OSCAR: variants seen among roughly 807,000 people sequenced by gnomAD.
The protein encoded by OSCAR is osteoclast associated Ig-like receptor, also known as osteoclast-associated immunoglobulin-like receptor.
OSCAR carries 25 observed loss-of-function variants against 27.3 expected under a neutral mutation model. That is an observed-to-expected ratio of 0.92 (90% confidence interval 0.67 to 1.28). The LOEUF (loss-of-function observed/expected upper bound fraction) is 1.28. OSCAR is among the 50% of genes most tolerant of loss of function. The pLI is 0.00. For synonymous variants in OSCAR, 158 were observed against 165.7 expected, an observed-to-expected ratio of 0.95 and a Z score of 0.36; for missense variants, 354 against 355.1, an observed-to-expected ratio of 1.00 and a Z score of 0.03.
In OSCAR at chr19:54,097,118, C is replaced by T. The variant is rs147984792; in HGVS notation, c.117G>A (p.Pro39=). The change falls in exon 3 of 5, where the codon CCG becomes CCA. Residue 39 remains proline (P), a synonymous_variant. Coordinates refer to ENST00000358375, the MANE Select transcript of OSCAR (RefSeq NM_133169.6). ...YHPKPWLGAQ[P]ATVVTPGVNV... ...TGACCCCAGGGGTCACAACTGTAGC[C>T]GGCTGAGCTCCCAGCCATGGCTTAG... The T allele has an allele frequency of 2.0e-5, 32 of 1,614,176 alleles. No individual in the cohort carries two copies. The highest frequency in any genetic ancestry group is 3.3e-4 in the Middle Eastern group (2 of 6,060).
intron 1 of OSCAR, among the ~76,000 whole-genome samples, chr19:54,100,051 A>T (rs2072966547): frequency 6.6e-6 from 1 of 152,082 alleles, no homozygotes; most frequent in Non-Finnish European, 1.5e-5. Flanking sequence ...TCCTCAGGTG[A>T]TCCACCCGCC....
At position 54,095,129 on chromosome 19, in the gene OSCAR, A is replaced by G. The variant is rs1337141528; in HGVS notation, c.*92T>C. The G allele has an allele frequency of 1.3e-6, 2 of 1,506,910 alleles. No individual in the cohort carries two copies. The highest frequency in any genetic ancestry group is 1.4e-5 in the African/African-American group (1 of 72,348). The allele number at this position is 1,506,910 out of a possible 1,614,324, so 93.3% of individuals were successfully genotyped here. ...CGTTCCGCGGAGCTCAGCCAGCAGG[A>G]CTGTGGGGCTGCAGGAAAGGACAGT... is the stretch of plus-strand genomic sequence containing the variant. On this transcript the variant is annotated 3_prime_UTR_variant, in exon 5 of 5. Transcript: ENST00000358375.
chr19:54,097,960 C>G (rs1568543437), intron 2 of OSCAR, among the ~76,000 whole-genome samples: 1 of 151,918 alleles, frequency 6.6e-6, no homozygotes, highest in East Asian at 1.9e-4. Flanking sequence ...CAAGAGTTGC[C>G]AAAACTTGCT....
intron 3 of OSCAR, 117 bp downstream of exon 3, chr19:54,096,745 C>T (rs2072750885): frequency 8.7e-7 from 1 of 1,155,794 alleles, no homozygotes; most frequent in African/African-American, 1.6e-5. Context: ...TCTGTCTTTT[C>T]TTGTGTCTGT....
Position 54,099,752 on chromosome 19 carries a change from C to T in OSCAR, c.66G>A (p.Pro22=), listed in dbSNP as rs369634082. The T allele has an allele frequency of 2.9e-5, 47 of 1,612,886 alleles. No homozygotes were observed. The highest frequency in any genetic ancestry group is 1.6e-4 in the Middle Eastern group (1 of 6,070). ...GTGGATGGGGTGGCTACTCACCAGA[C>T]GGAGTGATGTCTGTGTGACACAGAG... is the stretch of plus-strand genomic sequence containing the variant. ...LWPLCHTDIT[P]SVPPASYHPK... The change falls in exon 2 of 5, where the codon CCG becomes CCA. Residue 22 remains proline (P), a synonymous_variant. Coordinates refer to ENST00000358375, the MANE Select transcript of OSCAR (RefSeq NM_133169.6).
chr19:54,095,706 G>A (rs2072616227), intron 4 of OSCAR, 166 bp downstream of exon 4: 1 of 1,201,488 alleles, frequency 8.3e-7, no homozygotes, highest in Non-Finnish European at 1.2e-6. Context: ...GGGAGGAGGG[G>A]CTGGGTCCCA....
chr19:54,095,393 C>A, intron 4 of OSCAR, 36 bp from the exon 5 acceptor site: 1 of 1,541,376 alleles, frequency 6.5e-7, no homozygotes. Flanking sequence ...GCCATCAGCT[C>A]CCGGACCCCA....
Position 54,096,872 on chromosome 19 carries a change from C to T in OSCAR, c.363G>A (p.Leu121=), listed in dbSNP as rs752532568. ...VWSQPSDVLE[L]LVTEELPRPS... is the part of the protein sequence containing the mutation. The stretch of plus-strand genomic sequence containing the variant: ...ACCCCAGGACCTCACCTGTCACCAG[C>T]AGCTCCAGGACATCGCTGGGCTGGG... Residue 121 remains leucine, a synonymous_variant, in exon 3 of 5, where the codon CTG becomes CTA. Coordinates refer to ENST00000358375, the MANE Select transcript of OSCAR (RefSeq NM_133169.6). 1 of 1,613,104 alleles carries T rather than the reference C, an allele frequency of 6.2e-7. No homozygotes were observed. Among genetic ancestry groups the T allele is most frequent in the South Asian group, 1.1e-5 (1 of 91,040 alleles).
chr19:54,099,059 T>TGTTTG (rs34000466), intron 2 of OSCAR, among the ~76,000 whole-genome samples: 37,811 of 149,150 alleles, frequency 0.25, 5,092 homozygotes, highest in East Asian at 0.42. Context: ...AAAGAGTTTT[T>TGTTTG]TTTGTTTGTT....
intron 2 of OSCAR, 97 bp downstream of exon 2, chr19:54,099,651 A>G: frequency 6.2e-7 from 1 of 1,613,752 alleles, no homozygotes; most frequent in East Asian, 2.2e-5. Flanking sequence ...GAGGAAAATA[A>G]GGATATCTGG....
rs754867936 is a variant in OSCAR at position 54,096,846 on chromosome 19, G to C, written c.373+16C>G. ...CTTGTTCCACCCACTTCTCCTCCCC[G>C]ACCCCAGGACCTCACCTGTCACCAG... On this transcript the variant is annotated intron_variant, in intron 3 of 4. Transcript: ENST00000358375. 6.2e-7 allele frequency: 1 copy of C among 1,605,478 alleles called. No individual in the cohort carries two copies. Among genetic ancestry groups the C allele is most frequent in the East Asian group, 2.2e-5 (1 of 44,736 alleles).
In OSCAR at chr19:54,096,072, C is replaced by T. The variant is rs1253303511; in HGVS notation, c.455G>A (p.Gly152Asp). Residue 152 changes from glycine to aspartate, a missense_variant, in exon 4 of 5, where the codon GGC becomes GAC. Physicochemically the swap from Gly to Asp is moderately conservative, Grantham distance 94 (BLOSUM62 -1). Coordinates refer to ENST00000358375, the MANE Select transcript of OSCAR (RefSeq NM_133169.6). ...CACGAAGCTCATGTTCCGCAGGCGGCCCGCGCAGCGCAGGCTCACGTTGGC... is the reference window on the plus strand; with the variant it reads ...CACGAAGCTCATGTTCCGCAGGCGGTCCGCGCAGCGCAGGCTCACGTTGGC... The part of the protein sequence containing the change: ...PGANVSLRCA[G>D]RLRNMSFVLY... 36 of 1,537,732 alleles carry T rather than the reference C, an allele frequency of 2.3e-5. No homozygotes were observed. Among genetic ancestry groups the T allele is most frequent in the Non-Finnish European group, 2.7e-5 (31 of 1,147,264 alleles).
At chr19:54,098,909 C>A (rs2072886069) in intron 2 of OSCAR, among the ~76,000 whole-genome samples, 1 of 150,598 alleles carries the variant, frequency 6.6e-6, no homozygotes, top group African/African-American at 2.4e-5. Flanking sequence ...TCCCTTGAAC[C>A]CAGGAGGTGG....
chr19:54,095,447 C>T (rs1600240574), intron 4 of OSCAR, 90 bp from the exon 5 acceptor site: 1 of 1,485,290 alleles, frequency 6.7e-7, no homozygotes, highest in Non-Finnish European at 8.9e-7. Flanking sequence ...CTGGGGTGGA[C>T]TTAGGGACCT....
chr19:54,096,760 CTG>C, intron 3 of OSCAR, 100 bp downstream of exon 3: 1 of 1,284,984 alleles, frequency 7.8e-7, no homozygotes, highest in East Asian at 2.5e-5. Context: ...GTCTGTGAAT[CTG>C]TTTGCCCGCC....
chr19:54,095,547 C>G (rs1308462766), intron 4 of OSCAR, 190 bp from the exon 5 acceptor site: 2 of 1,343,802 alleles, frequency 1.5e-6, no homozygotes, highest in South Asian at 3.1e-5. Flanking sequence ...ACTGCTGGAT[C>G]AGGAAGGAGG....
chr19:54,098,120 G>T (rs181990031), intron 2 of OSCAR, among the ~76,000 whole-genome samples: 3 of 152,054 alleles, frequency 2.0e-5, no homozygotes, highest in Admixed American at 1.3e-4. Flanking sequence ...GGTAAGGAAG[G>T]CTTCTTAAAA....
At position 54,095,977 on chromosome 19, in the gene OSCAR, G is replaced by A. The variant is rs1429108934; in HGVS notation, c.550C>T (p.Leu184=). The A allele has an allele frequency of 2.5e-6, 4 of 1,590,106 alleles. No individual in the cohort carries two copies. Residue 184 remains leucine (L), a synonymous_variant, in exon 4 of 5, where the codon CTG becomes TTG. Transcript: ENST00000358375. ...GTGCCGGGGGCGCGGGCGCCCAGCAGCGTGAAGTCGGCCCAGGGCTGCGCG... is the reference window on the plus strand; with the variant it reads ...GTGCCGGGGGCGCGGGCGCCCAGCAACGTGAAGTCGGCCCAGGGCTGCGCG... ...HSAQPWADFT[L]LGARAPGTYS...
rs1227142043 is a variant in OSCAR at position 54,095,555 on chromosome 19, A to C, written c.656-198T>G. On this transcript the variant is annotated intron_variant, in intron 4 of 4. Coordinates refer to ENST00000358375, the MANE Select transcript of OSCAR (RefSeq NM_133169.6). Reference sequence around the variant, plus strand: ...GGCCTGGACTGCTGGATCAGGAAGGAGGGGCTGGGGGCCTGGAGTCCTGGG... The same window carrying C: ...GGCCTGGACTGCTGGATCAGGAAGGCGGGGCTGGGGGCCTGGAGTCCTGGG... 4 of 1,295,730 alleles carry C rather than the reference A, an allele frequency of 3.1e-6. No homozygotes were observed. In the Admixed American group the frequency reaches 1.5e-4, roughly 49 times the overall value. 80.3% of individuals were successfully genotyped at this position (1,295,730 alleles called of 1,614,324 possible). A position where few individuals can be genotyped will look rare whatever the true frequency, so the allele number is the denominator to read the frequency against.
Sources: allele counts gnomAD v4.1 joint callset (sites outside exome capture counted in the v4.1 genomes callset), GRCh38; gene constraint gnomAD v4.1.1; transcripts MANE v1.5; gene names NCBI Gene and HGNC (gene_info 2026-07-23, HGNC 2026-07-21).